ADGRE1: variants seen among roughly 807,000 people sequenced by gnomAD.
ADGRE1 encodes the protein adhesion G protein-coupled receptor E1.
ADGRE1 carries 82 observed loss-of-function variants against 102.7 expected under a neutral mutation model. The ratio of observed to expected loss-of-function variants is 0.80; its 90% confidence interval spans 0.67 to 0.96. The LOEUF is 0.96. ADGRE1 is among the 40% of genes least tolerant of loss of function. The pLI is 0.00. For synonymous variants in ADGRE1, 398 were observed against 399.6 expected, an observed-to-expected ratio of 1.00 and a Z score of 0.05; for missense variants, 1,032 against 1,085.3, an observed-to-expected ratio of 0.95 and a Z score of 0.69.
At chr19:6,893,577 G>C (rs1350931753) in intron 2 of ADGRE1, among the ~76,000 whole-genome samples, 1 of 152,170 alleles carries the variant, frequency 6.6e-6, no homozygotes, top group Non-Finnish European at 1.5e-5. Flanking sequence ...TTCATCCACT[G>C]ATAGACACTT....
chr19:6,935,221 T>A (rs1483885467), intron 18 of ADGRE1, 143 bp downstream of exon 18: 1 of 456,512 alleles, frequency 2.2e-6, no homozygotes, highest in Non-Finnish European at 3.7e-6. Context: ...ACCATCTAGA[T>A]CTGGAGGCTT....
At chr19:6,901,847 G>C (rs1365914068) in intron 5 of ADGRE1, 28 bp from the exon 6 acceptor site, 47 of 1,612,106 alleles carry the variant, frequency 2.9e-5, no homozygotes, top group Non-Finnish European at 3.9e-5. Context: ...CATTTACCTT[G>C]ACCTGGGTTT....
At chr19:6,908,607 G>T in intron 9 of ADGRE1, 82 bp from the exon 10 acceptor site, 1 of 1,280,088 alleles carries the variant, frequency 7.8e-7, no homozygotes. Flanking sequence ...GGGCTTTATG[G>T]GCTAATTTGT....
intron 5 of ADGRE1, among the ~76,000 whole-genome samples, chr19:6,900,819 A>G (rs330886): frequency 0.44 from 67,369 of 152,172 alleles, 18,017 homozygotes; most frequent in African/African-American, 0.75. Flanking sequence ...CATTTGTAGC[A>G]GTGAGCTATC....
At chr19:6,893,787 C>CA (rs949348871) in intron 2 of ADGRE1, among the ~76,000 whole-genome samples, 2 of 152,034 alleles carry the variant, frequency 1.3e-5, no homozygotes, top group Non-Finnish European at 1.5e-5. Flanking sequence ...TCGCTTAAAA[C>CA]AAAAAAAACT....
chr19:6,918,931 G>A (rs1291189484), intron 12 of ADGRE1, among the ~76,000 whole-genome samples: 1 of 152,276 alleles, frequency 6.6e-6, no homozygotes, highest in East Asian at 1.9e-4. Context: ...CACCATATTG[G>A]CCAGGTTGGC....
intron 20 of ADGRE1, among the ~76,000 whole-genome samples, chr19:6,938,062 C>T (rs538116608): frequency 7.3e-5 from 11 of 151,658 alleles, no homozygotes; most frequent in Admixed American, 4.6e-4. Context: ...ACCGGCTGGG[C>T]GCGGTGGCTC....
chr19:6,934,764 A>AC lies in ADGRE1; in HGVS notation c.2290-223_2290-222insC, dbSNP rs1182605283. Among the ~76,000 whole-genome samples the AC allele has an allele frequency of 4.8e-4, 65 of 136,822 alleles. No individual in the cohort carries two copies. The South Asian group carries it at 0.014, about 30-fold the overall frequency. 89.8% of individuals were successfully genotyped at this position (136,822 alleles called of 152,430 possible). On this transcript the variant is annotated intron_variant, in intron 17 of 20. Coordinates refer to ENST00000312053, the MANE Select transcript of ADGRE1 (RefSeq NM_001974.5). ...AGGCATCCACCACCATGCATGGCTA[A>AC]TTTTTTTTTTTTTTTTGTATTTTAG...
At chr19:6,898,380 C>T in intron 5 of ADGRE1, 1 of 1,600,834 alleles carries the variant, frequency 6.2e-7, no homozygotes, top group Non-Finnish European at 8.6e-7. Context: ...CAGGGAGGTA[C>T]AAGTGCAGCT....
chr19:6,921,625 C>T (rs1974668980), intron 13 of ADGRE1, 88 bp from the exon 14 acceptor site: 3 of 1,391,398 alleles, frequency 2.2e-6, no homozygotes, highest in Admixed American at 2.7e-5. Context: ...ATTCTTGTTC[C>T]CAGTGACTCT....
intron 8 of ADGRE1, among the ~76,000 whole-genome samples, chr19:6,904,650 C>T (rs891336718): frequency 2.6e-5 from 4 of 151,710 alleles, no homozygotes; most frequent in East Asian, 1.9e-4. Flanking sequence ...GGACTACAGG[C>T]GCCCGCCACC....
At chr19:6,936,269 T>A (rs1354003365) in intron 18 of ADGRE1, among the ~76,000 whole-genome samples, 2 of 151,878 alleles carry the variant, frequency 1.3e-5, no homozygotes, top group Non-Finnish European at 2.9e-5. Flanking sequence ...ACCCTGTCTT[T>A]ACTAAAAATA....
At position 6,913,501 on chromosome 19, in the gene ADGRE1, G is replaced by A. The variant is rs533977225; in HGVS notation, c.1123-152G>A. ...GGCCTGAATTTGTATTTCTGATGGG[G>A]CTTCTTGAATCAGAAAAAGGAGCCC... On this transcript the variant is annotated intron_variant, in intron 10 of 20. Transcript: ENST00000312053. The A allele has an allele frequency of 1.3e-4, 84 of 631,962 alleles. No homozygotes were observed. The African/African-American group carries it at 1.4e-3, about 10-fold the overall frequency. 39.1% of individuals were successfully genotyped at this position (631,962 alleles called of 1,614,324 possible).
At position 6,900,818 on chromosome 19, in the gene ADGRE1, C is replaced by T. The variant is rs932201362; in HGVS notation, c.515-1057C>T. 7.2e-5 allele frequency among the ~76,000 whole-genome samples: 11 copies of T among 152,344 alleles called. 1 individual carries two copies. Among genetic ancestry groups the T allele is most frequent in the African/African-American group, 7.2e-5 (3 of 41,590 alleles). On this transcript the variant is annotated intron_variant, in intron 5 of 20. Coordinates refer to ENST00000312053, the MANE Select transcript of ADGRE1 (RefSeq NM_001974.5). ...TCTGCCTTTGCTACTCCATTTGTAG[C>T]AGTGAGCTATCACTGGGTAACAAAT...
intron 5 of ADGRE1, among the ~76,000 whole-genome samples, chr19:6,899,097 T>C (rs986026356): frequency 2.6e-5 from 4 of 152,160 alleles, no homozygotes; most frequent in Non-Finnish European, 5.9e-5. Flanking sequence ...AAATATTAAG[T>C]GGAAGAGCTG....
At chr19:6,921,608 C>G (rs528729999) in intron 13 of ADGRE1, 105 bp from the exon 14 acceptor site, 2 of 1,294,908 alleles carry the variant, frequency 1.5e-6, no homozygotes. Context: ...CAGAACATAC[C>G]CTGTGTATTC....
chr19:6,906,988 G>A (rs1200534969), intron 9 of ADGRE1, among the ~76,000 whole-genome samples: 1 of 152,098 alleles, frequency 6.6e-6, no homozygotes, highest in Non-Finnish European at 1.5e-5. Context: ...GAATATATTG[G>A]AGTCTTCCTG....
rs184150037 is a variant in ADGRE1, at chr19:6,929,969, A to G, written c.2289+1758A>G. On this transcript the variant is annotated intron_variant, in intron 17 of 20. Coordinates refer to ENST00000312053, the MANE Select transcript of ADGRE1 (RefSeq NM_001974.5). ...CAGAGCTGCCATTTTGAACATGCCT[A>G]TTCCCCAGGTAACCGCTTTCCTATT... Among the ~76,000 whole-genome samples, 28 of 152,250 alleles carry G rather than the reference A, an allele frequency of 1.8e-4. No homozygotes were observed. In the East Asian group the frequency reaches 5.2e-3, roughly 28 times the overall value.
chr19:6,904,071 G>C lies in ADGRE1; in HGVS notation c.838G>C (p.Gly280Arg), dbSNP rs762944957. 2 of 1,614,034 alleles carry C rather than the reference G, an allele frequency of 1.2e-6. No homozygotes were observed. The highest frequency in any genetic ancestry group is 4.5e-5 in the East Asian group (2 of 44,902). Residue 280 changes from glycine to arginine, a missense_variant, in exon 8 of 21, where the codon GGT becomes CGT. Gly to Arg is a moderately radical substitution (Grantham distance 125, BLOSUM62 -2). Transcript: ENST00000312053. ...GTGCCGCCAAGATCCATCAACCTGT[G>C]GTCCTAATTCTATCTGCACCAATGC... The part of the protein sequence containing the change: ...DECRQDPSTC[G>R]PNSICTNALG...
Sources: allele counts gnomAD v4.1 joint callset (sites outside exome capture counted in the v4.1 genomes callset), GRCh38; gene constraint gnomAD v4.1.1; transcripts MANE v1.5; gene names NCBI Gene and HGNC (gene_info 2026-07-23, HGNC 2026-07-21).